The following DACH2 variants were observed in gnomAD, a reference collection of about 807,000 sequenced individuals.
DACH2 encodes the protein dachshund family transcription factor 2, also known as dachshund homolog 2.
In DACH2, 17 loss-of-function variants were observed where a neutral mutation model predicts 35.8. The observed-to-expected ratio is 0.48, with a 90% CI of 0.33 to 0.71. The LOEUF is 0.71. Ranked by LOEUF, DACH2 falls within the 30% of genes least tolerant of loss-of-function variation. DACH2 has a pLI of 0.02. For synonymous variants in DACH2, 195 were observed against 177.3 expected, an observed-to-expected ratio of 1.10 and a Z score of -0.79; for missense variants, 469 against 472.7, an observed-to-expected ratio of 0.99 and a Z score of 0.07.
At position 86,199,147 on chromosome X, in the gene DACH2, A is replaced by G. The variant is rs1256761248; in HGVS notation, c.488+50039A>G. 2.7e-5 allele frequency among the ~76,000 whole-genome samples: 3 copies of G among 111,631 alleles called. No individual in the cohort carries two copies. In the Admixed American group the frequency reaches 2.9e-4, roughly 11 times the overall value. On this transcript the variant is annotated intron_variant, in intron 1 of 11. Coordinates refer to ENST00000373125, the MANE Select transcript of DACH2 (RefSeq NM_053281.3). ...AATAAATGTGATTCATCATATAAAC[A>G]GAAGTAAAGAAAAAAACCACATGAT...
rs776591647 is a variant in DACH2 at position 86,528,058 on chromosome X, G to A, written c.640+13667G>A. Among the ~76,000 whole-genome samples, 7 of 111,297 alleles carry A rather than the reference G, an allele frequency of 6.3e-5. No homozygotes were observed. In the South Asian group the frequency reaches 2.6e-3, roughly 42 times the overall value. On this transcript the variant is annotated intron_variant, in intron 3 of 11. Transcript: ENST00000373125. The stretch of plus-strand genomic sequence containing the variant: ...TGGAAACTGAGGAACAGAGTGAAGG[G>A]CATATTATCTGGGGATGATCAGTGG...
At chrX:86,538,010 C>A (rs1027508896) in intron 3 of DACH2, among the ~76,000 whole-genome samples, 1 of 110,782 alleles carries the variant, frequency 9.0e-6, no homozygotes, top group African/African-American at 3.3e-5. Context: ...CTACCCAAAT[C>A]CTATAAAATG....
chrX:86,291,457 C>G (rs1378965243), intron 1 of DACH2, among the ~76,000 whole-genome samples: 1 of 102,731 alleles, frequency 9.7e-6, no homozygotes, highest in African/African-American at 3.7e-5. Flanking sequence ...ACTTCCAACA[C>G]TATATTGAAT....
chrX:86,303,290 T>A (rs142568038), intron 1 of DACH2, among the ~76,000 whole-genome samples: 58 of 108,977 alleles, frequency 5.3e-4, no homozygotes, highest in Non-Finnish European at 6.6e-4. Context: ...CGTTCATGGG[T>A]CTGTAATCTG....
intron 5 of DACH2, among the ~76,000 whole-genome samples, chrX:86,704,566 T>A (rs953739745): frequency 4.5e-5 from 5 of 111,212 alleles, no homozygotes; most frequent in Non-Finnish European, 9.5e-5. Context: ...AGGACTAATA[T>A]CCAGATTCTA....
chrX:86,470,652 T>G (rs2037747298), intron 2 of DACH2, among the ~76,000 whole-genome samples: 2 of 109,685 alleles, frequency 1.8e-5, no homozygotes, highest in African/African-American at 6.6e-5. Flanking sequence ...GACTGGGAGG[T>G]GGGTGAGGGA....
At position 86,430,354 on chromosome X, in the gene DACH2, A is replaced by G. The variant is rs763786643; in HGVS notation, c.527+53492A>G. The stretch of plus-strand genomic sequence containing the variant: ...TAGTATGGAAAATGTTAAATAACTC[A>G]TTAATAATTTTTAATGTTGATTATA... On this transcript the variant is annotated intron_variant, in intron 2 of 11. Transcript: ENST00000373125. Among the ~76,000 whole-genome samples the G allele has an allele frequency of 2.7e-5, 3 of 112,426 alleles. No individual in the cohort carries two copies. The East Asian group carries it at 8.4e-4, about 31-fold the overall frequency.
chrX:86,698,334 A>G (rs2148446717), intron 5 of DACH2, among the ~76,000 whole-genome samples: 1 of 109,209 alleles, frequency 9.2e-6, no homozygotes, highest in African/African-American at 3.3e-5. Context: ...TCAAACAAAA[A>G]TTGAGGTAAT....
chrX:86,742,891 ATTGT>A (rs1459070237), intron 7 of DACH2, among the ~76,000 whole-genome samples: 7 of 111,284 alleles, frequency 6.3e-5, no homozygotes, highest in Non-Finnish European at 1.3e-4. Context: ...TTATCTGAAG[ATTGT>A]TTATTTGGGA....
chrX:86,221,842 G>A (rs1192308630), intron 1 of DACH2, among the ~76,000 whole-genome samples: 1 of 112,250 alleles, frequency 8.9e-6, no homozygotes, highest in Non-Finnish European at 1.9e-5. Context: ...GAAGTCCAAG[G>A]TCAAGGTGTT....
chrX:86,400,080 C>A (rs2036392789), intron 2 of DACH2, among the ~76,000 whole-genome samples: 1 of 111,446 alleles, frequency 9.0e-6, no homozygotes, highest in Admixed American at 9.5e-5. Flanking sequence ...TTGTTCATTT[C>A]TTTTTATTCT....
intron 2 of DACH2, among the ~76,000 whole-genome samples, chrX:86,407,745 A>G (rs1300409425): frequency 8.9e-6 from 1 of 111,831 alleles, no homozygotes; most frequent in Admixed American, 9.6e-5. Flanking sequence ...AAGGATAGGC[A>G]GAGCATTGAA....
At position 86,422,788 on chromosome X, in the gene DACH2, A is replaced by T. The variant is rs1214539480; in HGVS notation, c.527+45926A>T. ...TTCATTTATTCTATTTTTTGCATCC[A>T]TTAACCATCCCCACCTCCCCCAAAG... On this transcript the variant is annotated intron_variant, in intron 2 of 11. Coordinates refer to ENST00000373125, the MANE Select transcript of DACH2 (RefSeq NM_053281.3). Among the ~76,000 whole-genome samples the T allele has an allele frequency of 2.7e-5, 3 of 110,720 alleles. No homozygotes were observed. In the East Asian group the frequency reaches 8.5e-4, roughly 32 times the overall value.
At chrX:86,338,612 G>A (rs1433053142) in intron 1 of DACH2, among the ~76,000 whole-genome samples, 1 of 111,893 alleles carries the variant, frequency 8.9e-6, no homozygotes, top group East Asian at 2.8e-4. Flanking sequence ...ACAATTGAAA[G>A]CAGGAAAGAT....
chrX:86,454,718 G>A (rs2037442926), intron 2 of DACH2, among the ~76,000 whole-genome samples: 1 of 111,677 alleles, frequency 9.0e-6, no homozygotes, highest in Non-Finnish European at 1.9e-5. Flanking sequence ...GTTACAACAT[G>A]CTCCTTTAGC....
intron 1 of DACH2, among the ~76,000 whole-genome samples, chrX:86,158,709 C>T (rs758901361): frequency 2.9e-4 from 32 of 110,980 alleles, no homozygotes; most frequent in African/African-American, 1.0e-3. Flanking sequence ...ATTATCCCTC[C>T]TAGTATATTT....
At chrX:86,294,984 G>C (rs758694233) in intron 1 of DACH2, among the ~76,000 whole-genome samples, 1 of 112,508 alleles carries the variant, frequency 8.9e-6, no homozygotes, top group East Asian at 2.8e-4. Context: ...GTTTACCTAA[G>C]CAAGCCTGGG....
chrX:86,572,578 G>A, intron 3 of DACH2, among the ~76,000 whole-genome samples: 1 of 111,433 alleles, frequency 9.0e-6, no homozygotes, highest in Middle Eastern at 4.7e-3. Flanking sequence ...ATACTAAATA[G>A]AAATAGCGAG....
intron 1 of DACH2, among the ~76,000 whole-genome samples, chrX:86,326,005 T>G (rs138630991): frequency 9.0e-6 from 1 of 111,130 alleles, no homozygotes. Context: ...CACTAAATAT[T>G]GTATGTAAAA....
Sources: gnomAD v4.1 joint callset for allele counts (sites outside exome capture counted in the v4.1 genomes callset) on GRCh38, gnomAD v4.1.1 for gene constraint, MANE v1.5 for transcripts, NCBI Gene and HGNC (gene_info 2026-07-23, HGNC 2026-07-21) for gene names.